The following GCSAML variants were observed in gnomAD, a reference collection of about 807,000 sequenced individuals.
The protein encoded by GCSAML is germinal center associated signaling and motility like, also known as germinal center-associated signaling and motility-like protein.
A neutral mutation model predicts 13.0 loss-of-function variants in GCSAML; 9 were observed. That is an observed-to-expected ratio of 0.69 (90% confidence interval 0.42 to 1.21). The LOEUF (loss-of-function observed/expected upper bound fraction) is 1.21, where lower values mean the gene tolerates loss of function less well. Among genes scored for constraint, GCSAML ranks in the 50% most tolerant of loss-of-function variants. The pLI is 0.00. For synonymous variants in GCSAML, 37 were observed against 52.9 expected, an observed-to-expected ratio of 0.70 and a Z score of 1.31; for missense variants, 143 against 153.4, an observed-to-expected ratio of 0.93 and a Z score of 0.36.
At chr1:247,535,943 G>T (rs1667201607) in intron 2 of GCSAML, among the ~76,000 whole-genome samples, 1 of 152,190 alleles carries the variant, frequency 6.6e-6, no homozygotes, top group African/African-American at 2.4e-5. Flanking sequence ...GAAACGTCTT[G>T]AGTTCAAATT....
chr1:247,525,061 A>G (rs1394085986), intron 1 of GCSAML: 1 of 152,252 alleles, frequency 6.6e-6, no homozygotes, highest in Non-Finnish European at 1.5e-5. Flanking sequence ...GCCTTTGTAC[A>G]CATTATTGGC....
intron 1 of GCSAML, among the ~76,000 whole-genome samples, chr1:247,515,771 C>A (rs181271100): frequency 1.3e-5 from 2 of 152,168 alleles, no homozygotes; most frequent in Non-Finnish European, 2.9e-5. Context: ...AGCAAGGAAG[C>A]AATCTGCCCT....
In GCSAML at chr1:247,576,111, T is replaced by C. The variant is rs1204965724; in HGVS notation, c.*1729T>C. 1 of 152,222 alleles carries C rather than the reference T, an allele frequency of 6.6e-6. No homozygotes were observed. The highest frequency in any genetic ancestry group is 2.1e-4 in the South Asian group (1 of 4,838). The allele number at this position is 152,222 out of a possible 1,614,324, so 9.4% of individuals were successfully genotyped here. On this transcript the variant is annotated 3_prime_UTR_variant, in exon 5 of 5. Coordinates refer to ENST00000366488, the MANE Select transcript of GCSAML (RefSeq NM_145278.5). ...CAAGTCTAATCATAAAATTCACTTA[T>C]GTTTGATATACACCTTATCTGAATA...
At chr1:247,566,811 T>C (rs565968247) in intron 4 of GCSAML, among the ~76,000 whole-genome samples, 1 of 152,208 alleles carries the variant, frequency 6.6e-6, no homozygotes, top group Admixed American at 6.5e-5. Flanking sequence ...TTTCCTTCAC[T>C]GTCTATGCAA....
At chr1:247,539,924 C>A (rs1667352762) in intron 2 of GCSAML, among the ~76,000 whole-genome samples, 1 of 152,158 alleles carries the variant, frequency 6.6e-6, no homozygotes, top group Non-Finnish European at 1.5e-5. Flanking sequence ...CCCCTCCACA[C>A]ACATTACCTC....
At chr1:247,517,644 A>G (rs555503534) in intron 1 of GCSAML, among the ~76,000 whole-genome samples, 1 of 152,326 alleles carries the variant, frequency 6.6e-6, no homozygotes, top group East Asian at 1.9e-4. Flanking sequence ...ACTAGATCAG[A>G]GTGCTACTGA....
intron 2 of GCSAML, among the ~76,000 whole-genome samples, chr1:247,540,782 C>T (rs541832185): frequency 8.5e-5 from 13 of 152,240 alleles, no homozygotes; most frequent in African/African-American, 1.9e-4. Context: ...GACTGCACTC[C>T]GGGTTTTGCA....
chr1:247,574,437 ACT>A lies in GCSAML; in HGVS notation c.*58_*59del. On this transcript the variant is annotated 3_prime_UTR_variant, in exon 5 of 5. Transcript: ENST00000366488. ...CAATGAAGACAATGCAGAATAGCAG[ACT>A]CTGGCGAAGTTGTTCACCCTGAGCA... 1.3e-6 allele frequency: 2 copies of A among 1,590,710 alleles called. No individual in the cohort carries two copies. Among genetic ancestry groups the A allele is most frequent in the Non-Finnish European group, 1.7e-6 (2 of 1,167,302 alleles).
chr1:247,531,252 C>T (rs1263950089), intron 2 of GCSAML: 7 of 378,780 alleles, frequency 1.8e-5, no homozygotes, highest in Non-Finnish European at 3.3e-5. Flanking sequence ...AATCCACCCG[C>T]TTCGGATACT....
intron 2 of GCSAML, chr1:247,536,241 A>C (rs1315612066): frequency 6.6e-6 from 1 of 152,224 alleles, no homozygotes; most frequent in Non-Finnish European, 1.5e-5. Flanking sequence ...ATTTTATTAA[A>C]AAGACTGATA....
At chr1:247,546,473 C>T (rs961212641), upstream of GCSAML, among the ~76,000 whole-genome samples, 8 of 152,232 alleles carry the variant, frequency 5.3e-5, no homozygotes, top group Non-Finnish European at 1.0e-4. Context: ...ATTCTCCTGC[C>T]TCAGCCTCCC....
chr1:247,558,842 G>A (rs1668034609), intron 2 of GCSAML, among the ~76,000 whole-genome samples: 1 of 152,070 alleles, frequency 6.6e-6, no homozygotes, highest in Admixed American at 6.6e-5. Flanking sequence ...TTGGACCTGA[G>A]TAGTTTTTAA....
At chr1:247,555,591 G>A (rs1261721155) in intron 1 of GCSAML, among the ~76,000 whole-genome samples, 2 of 152,144 alleles carry the variant, frequency 1.3e-5, no homozygotes, top group Admixed American at 6.6e-5. Context: ...GCGTTGGTTC[G>A]AAATGCTTTC....
chr1:247,533,266 A>C (rs1667082526), intron 2 of GCSAML, among the ~76,000 whole-genome samples: 1 of 152,082 alleles, frequency 6.6e-6, no homozygotes, highest in Non-Finnish European at 1.5e-5. Flanking sequence ...GGCTCAGAAA[A>C]TGATACCCCA....
intron 3 of GCSAML, 23 bp from the exon 4 acceptor site, chr1:247,565,908 T>C (rs78814291): frequency 0.011 from 16,972 of 1,493,538 alleles, 59 homozygotes; most frequent in African/African-American, 0.031. Flanking sequence ...TTCTTTCTTT[T>C]TTTTTTTTTT....
intron 4 of GCSAML, among the ~76,000 whole-genome samples, chr1:247,569,371 A>G (rs886917416): frequency 6.6e-6 from 1 of 152,146 alleles, no homozygotes; most frequent in African/African-American, 2.4e-5. Context: ...TTATTTTGAG[A>G]TAGGTTTGAT....
At chr1:247,533,779 T>G (rs1012080477) in intron 2 of GCSAML, 4 of 152,232 alleles carry the variant, frequency 2.6e-5, no homozygotes, top group African/African-American at 9.6e-5. Flanking sequence ...TGTAAAACTA[T>G]GATCAAATAA....
At chr1:247,553,812 C>A (rs1336080882) in intron 1 of GCSAML, among the ~76,000 whole-genome samples, 1 of 152,194 alleles carries the variant, frequency 6.6e-6, no homozygotes, top group Non-Finnish European at 1.5e-5. Context: ...TTATCAAATG[C>A]AGTTTTAAAC....
chr1:247,521,954 C>T (rs1277961541), intron 1 of GCSAML, among the ~76,000 whole-genome samples: 1 of 152,042 alleles, frequency 6.6e-6, no homozygotes, highest in Non-Finnish European at 1.5e-5. Context: ...TGCCCGGCTG[C>T]CCATCGTCTG....
Sources: allele counts gnomAD v4.1 joint callset (sites outside exome capture counted in the v4.1 genomes callset), GRCh38; gene constraint gnomAD v4.1.1; transcripts MANE v1.5; gene names NCBI Gene and HGNC (gene_info 2026-07-23, HGNC 2026-07-21).